TMEM132D: variants seen among roughly 807,000 people sequenced by gnomAD.
TMEM132D encodes transmembrane protein 132D.
A neutral mutation model predicts 62.3 loss-of-function variants in TMEM132D; 21 were observed. The ratio of observed to expected loss-of-function variants is 0.34; its 90% CI spans 0.24 to 0.49. The LOEUF (loss-of-function observed/expected upper bound fraction) is 0.49, where lower values mean the gene tolerates loss of function less well. Ranked by LOEUF, TMEM132D falls within the 20% of genes least tolerant of loss-of-function variation. TMEM132D has a pLI of 0.99. For synonymous variants in TMEM132D, 621 were observed against 575.6 expected, an observed-to-expected ratio of 1.08 and a Z score of -1.13; for missense variants, 1,346 against 1,402.8, an observed-to-expected ratio of 0.96 and a Z score of 0.65.
intron 3 of TMEM132D, among the ~76,000 whole-genome samples, chr12:129,357,127 G>T (rs1187529081): frequency 6.6e-6 from 1 of 151,632 alleles, no homozygotes; most frequent in Admixed American, 6.6e-5. Flanking sequence ...GGTGCCTGTA[G>T]TCCCAGCTAC....
chr12:129,890,395 T>C (rs1593200419), intron 1 of TMEM132D, among the ~76,000 whole-genome samples: 1 of 152,186 alleles, frequency 6.6e-6, no homozygotes, highest in East Asian at 1.9e-4. Flanking sequence ...ACTATTGGGA[T>C]TGGGGCCAGA....
At chr12:129,657,857 G>A (rs1346979519) in intron 2 of TMEM132D, among the ~76,000 whole-genome samples, 2 of 152,188 alleles carry the variant, frequency 1.3e-5, no homozygotes, top group East Asian at 3.9e-4. Flanking sequence ...CCGAAAAGGA[G>A]GCTGGTACCT....
intron 4 of TMEM132D, among the ~76,000 whole-genome samples, chr12:129,319,967 T>G (rs771029387): frequency 2.0e-4 from 30 of 152,152 alleles, no homozygotes; most frequent in Non-Finnish European, 3.7e-4. Context: ...TAGAGAGAAA[T>G]GCCAAATTTA....
Position 129,192,142 on chromosome 12 carries a change from T to A in TMEM132D, c.1443+17378A>T, listed in dbSNP as rs1007981993. On this transcript the variant is annotated intron_variant, in intron 5 of 8. Transcript: ENST00000422113. ...TACTCTTGGCTGGACCTCGAATGGT[T>A]CCTACTACCTTGACCTGCGTCTGCA... is the stretch of plus-strand genomic sequence containing the variant. 2.6e-5 allele frequency among the ~76,000 whole-genome samples: 4 copies of A among 152,174 alleles called. No individual in the cohort carries two copies. In the East Asian group the frequency reaches 7.7e-4, roughly 29 times the overall value.
At chr12:129,317,047 C>G (rs1188055439) in intron 4 of TMEM132D, among the ~76,000 whole-genome samples, 3 of 152,098 alleles carry the variant, frequency 2.0e-5, no homozygotes, top group Non-Finnish European at 4.4e-5. Flanking sequence ...AGGTGAGTCT[C>G]CTGAGGGCAG....
intron 4 of TMEM132D, among the ~76,000 whole-genome samples, chr12:129,281,980 G>C (rs538416665): frequency 3.9e-5 from 6 of 152,078 alleles, no homozygotes; most frequent in South Asian, 2.1e-4. Flanking sequence ...CCGTGAACCC[G>C]CTCCATTGCC....
chr12:129,185,143 T>C (rs1173665339), intron 5 of TMEM132D, among the ~76,000 whole-genome samples: 1 of 152,220 alleles, frequency 6.6e-6, no homozygotes, highest in East Asian at 1.9e-4. Flanking sequence ...GAATTCCCAG[T>C]TCTCCCTCCA....
chr12:129,690,168 A>C (rs1881029437), intron 2 of TMEM132D, among the ~76,000 whole-genome samples: 1 of 152,208 alleles, frequency 6.6e-6, no homozygotes, highest in South Asian at 2.1e-4. Context: ...AGATTAGTTA[A>C]AAATGTATAT....
chr12:129,886,855 T>C (rs11060603), intron 1 of TMEM132D, among the ~76,000 whole-genome samples: 4,771 of 152,254 alleles, frequency 0.031, 261 homozygotes, highest in African/African-American at 0.11. Context: ...TCACAAGATC[T>C]GATGGTTTTA....
chr12:129,118,815 A>G (rs112325079), intron 5 of TMEM132D, among the ~76,000 whole-genome samples: 321 of 152,276 alleles, frequency 2.1e-3, no homozygotes, highest in African/African-American at 7.1e-3. Flanking sequence ...AGGGTGCTGT[A>G]GCTCATATCA....
chr12:129,732,361 C>T (rs1023428936), intron 1 of TMEM132D, among the ~76,000 whole-genome samples: 2 of 152,218 alleles, frequency 1.3e-5, no homozygotes, highest in East Asian at 1.9e-4. Flanking sequence ...GGGCTGGTCA[C>T]CAGAATGACT....
Position 129,250,558 on chromosome 12 carries a change from G to A in TMEM132D, c.1300-40895C>T, listed in dbSNP as rs61947083. ...ATGAACCAGAACACCCCTGTGCGTG[G>A]TGGATAAACAGCTGTGAGGACTTCA... On this transcript the variant is annotated intron_variant, in intron 4 of 8. Transcript: ENST00000422113. Among the ~76,000 whole-genome samples, 530 of 152,298 alleles carry A rather than the reference G, an allele frequency of 3.5e-3. 2 individuals are homozygous for A. Among genetic ancestry groups the A allele is most frequent in the Non-Finnish European group, 5.3e-3 (358 of 68,014 alleles).
At chr12:129,159,829 T>C (rs554511007) in intron 5 of TMEM132D, among the ~76,000 whole-genome samples, 1 of 150,330 alleles carries the variant, frequency 6.7e-6, no homozygotes, top group African/African-American at 2.5e-5. Flanking sequence ...AAAACAGATA[T>C]GGTTCTAAGA....
chr12:129,533,959 A>G (rs1323664448), intron 2 of TMEM132D, among the ~76,000 whole-genome samples: 1 of 152,232 alleles, frequency 6.6e-6, no homozygotes, highest in Non-Finnish European at 1.5e-5. Flanking sequence ...GGAGATGTAG[A>G]CACGGTATTT....
intron 4 of TMEM132D, among the ~76,000 whole-genome samples, chr12:129,223,619 T>A (rs1256893120): frequency 6.6e-6 from 1 of 152,196 alleles, no homozygotes; most frequent in Non-Finnish European, 1.5e-5. Context: ...GTTTGCTGGT[T>A]TCTTGTGCAG....
Position 129,583,372 on chromosome 12 carries a change from T to A in TMEM132D, c.969-52167A>T, listed in dbSNP as rs747457846. On this transcript the variant is annotated intron_variant, in intron 2 of 8. Transcript: ENST00000422113. ...AGGATTTCACTAAGGAATGACAACA[T>A]GAAGGAAGTTTTAGGATGATAAAAT... 2.0e-5 allele frequency among the ~76,000 whole-genome samples: 3 copies of A among 152,234 alleles called. No individual in the cohort carries two copies. In the South Asian group the frequency reaches 6.2e-4, roughly 32 times the overall value.
At chr12:129,735,032 G>T (rs1376166647) in intron 1 of TMEM132D, among the ~76,000 whole-genome samples, 1 of 151,742 alleles carries the variant, frequency 6.6e-6, no homozygotes, top group Non-Finnish European at 1.5e-5. Flanking sequence ...ACAGTACGAC[G>T]ACAAAAAGAA....
At chr12:129,272,311 T>C (rs1360776645) in intron 4 of TMEM132D, among the ~76,000 whole-genome samples, 1 of 151,826 alleles carries the variant, frequency 6.6e-6, no homozygotes, top group African/African-American at 2.4e-5. Context: ...GCATCAAATC[T>C]GAGAATTACT....
chr12:129,261,397 T>C lies in TMEM132D; in HGVS notation c.1300-51734A>G, dbSNP rs114589698. 6.7e-3 allele frequency among the ~76,000 whole-genome samples: 1,016 copies of C among 152,294 alleles called. 10 individuals are homozygous for C. The highest frequency in any genetic ancestry group is 0.023 in the African/African-American group (958 of 41,546). ...TAATGGTTTTATAAAGGGCAATTCA[T>C]TTCCCTGCACATGCTCTCTTGCCTG... On this transcript the variant is annotated intron_variant, in intron 4 of 8. Transcript: ENST00000422113.
Sources: allele counts gnomAD v4.1 joint callset (sites outside exome capture counted in the v4.1 genomes callset), GRCh38; gene constraint gnomAD v4.1.1; transcripts MANE v1.5; gene names NCBI Gene and HGNC (gene_info 2026-07-23, HGNC 2026-07-21).